ARHGAP5: variants seen among roughly 807,000 people sequenced by gnomAD.
ARHGAP5 encodes rho GTPase-activating protein 5.
ARHGAP5 carries 23 observed loss-of-function variants against 116.6 expected under a neutral mutation model. The ratio of observed to expected loss-of-function variants is 0.20; its 90% CI spans 0.14 to 0.28. The LOEUF (loss-of-function observed/expected upper bound fraction) is 0.28, where lower values mean the gene tolerates loss of function less well. ARHGAP5 is among the 10% of genes least tolerant of loss of function. ARHGAP5 has a pLI of 1.00. For synonymous variants in ARHGAP5, 574 were observed against 602.0 expected, an observed-to-expected ratio of 0.95 and a Z score of 0.68; for missense variants, 1,405 against 1,774.8, an observed-to-expected ratio of 0.79 and a Z score of 3.74.
intron 1 of ARHGAP5, among the ~76,000 whole-genome samples, chr14:32,088,603 A>G (rs1053892582): frequency 2.0e-5 from 3 of 152,036 alleles, no homozygotes; most frequent in African/African-American, 7.2e-5. Flanking sequence ...TGCTAGGTAC[A>G]GATTTTCAGT....
rs1193270611 is a variant in ARHGAP5, at chr14:32,158,691, C to A, written c.*3743C>A. Reference sequence around the variant, plus strand: ...GGTTGATTTTTTTACTGTATTAGAACTCTTGGAAGTTCTTAGCCTTTTCAG... The same window carrying A: ...GGTTGATTTTTTTACTGTATTAGAAATCTTGGAAGTTCTTAGCCTTTTCAG... On this transcript the variant is annotated 3_prime_UTR_variant, in exon 7 of 7. Transcript: ENST00000345122. 1 of 151,874 alleles carries A rather than the reference C, an allele frequency of 6.6e-6. No individual in the cohort carries two copies. The highest frequency in any genetic ancestry group is 1.5e-5 in the Non-Finnish European group (1 of 67,844). 9.4% of individuals were successfully genotyped at this position (151,874 alleles called of 1,614,324 possible). A position where few individuals can be genotyped will look rare whatever the true frequency, so the allele number is the denominator to read the frequency against.
chr14:32,152,492 A>C lies in ARHGAP5; in HGVS notation c.4145A>C (p.Tyr1382Ser). The C allele has an allele frequency of 6.2e-7, 1 of 1,604,728 alleles. No individual in the cohort carries two copies. The change falls in exon 6 of 7, where the codon TAT becomes TCT. Residue 1382 changes from tyrosine to serine, a missense_variant. Around this residue, in one of 6 missense-constraint regions of ARHGAP5, gnomAD observed 176 missense variants for 221.2 expected, o/e 0.80. Coordinates refer to ENST00000345122, the MANE Select transcript of ARHGAP5 (RefSeq NM_001030055.2). ...EIVKKFHPVNYDVFRYVITHL... is the reference protein window; with the variant it reads ...EIVKKFHPVNSDVFRYVITHL... ...GTTAAGAAATTTCATCCTGTAAACT[A>C]TGATGTATTCAGATACGTGATAACA...
chr14:32,095,028 T>C (rs1161039221), intron 2 of ARHGAP5, among the ~76,000 whole-genome samples: 1 of 152,186 alleles, frequency 6.6e-6, no homozygotes, highest in African/African-American at 2.4e-5. Flanking sequence ...TTATTAGATA[T>C]TTTTCACAGT....
chr14:32,087,119 TAACTC>T (rs1329940870), intron 1 of ARHGAP5, among the ~76,000 whole-genome samples: 3 of 152,098 alleles, frequency 2.0e-5, no homozygotes, highest in East Asian at 1.9e-4. Context: ...ATTTTTAAGT[TAACTC>T]AAACAGCCTT....
intron 3 of ARHGAP5, among the ~76,000 whole-genome samples, chr14:32,117,677 C>G (rs987830818): frequency 1.3e-5 from 2 of 152,088 alleles, no homozygotes; most frequent in African/African-American, 4.8e-5. Flanking sequence ...ATGGATTTTT[C>G]TTTTAAAACT....
chr14:32,153,844 G>C (rs1594402144), intron 6 of ARHGAP5, among the ~76,000 whole-genome samples: 2 of 151,306 alleles, frequency 1.3e-5, no homozygotes, highest in South Asian at 4.2e-4. Context: ...CTGGAGGCCA[G>C]GAGTTTGAGA....
At chr14:32,146,483 C>G in intron 4 of ARHGAP5, 143 bp downstream of exon 4, 1 of 627,816 alleles carries the variant, frequency 1.6e-6, no homozygotes, top group Non-Finnish European at 2.8e-6. Flanking sequence ...AGATTAGAAG[C>G]ACTAAGTAAA....
intron 3 of ARHGAP5, among the ~76,000 whole-genome samples, chr14:32,128,695 C>T (rs1880324347): frequency 6.6e-6 from 1 of 152,246 alleles, no homozygotes; most frequent in South Asian, 2.1e-4. Flanking sequence ...ATTAAACCCC[C>T]TTGCATTCCT....
chr14:32,116,238 G>C (rs1347758030), intron 2 of ARHGAP5, among the ~76,000 whole-genome samples: 1 of 150,966 alleles, frequency 6.6e-6, no homozygotes, highest in Non-Finnish European at 1.5e-5. Context: ...AGTGAGCCTA[G>C]ACCCTGCGCC....
In ARHGAP5 at chr14:32,138,452, T is replaced by A. The variant is rs1304225032; in HGVS notation, c.3866-7811T>A. On this transcript the variant is annotated intron_variant, in intron 3 of 6. Coordinates refer to ENST00000345122, the MANE Select transcript of ARHGAP5 (RefSeq NM_001030055.2). ...GTGGGTGCCACTGCACCTGGCTAGT[T>A]TTTATATTTTTAGTAGCGATGGGGT... Among the ~76,000 whole-genome samples the A allele has an allele frequency of 3.3e-5, 5 of 152,178 alleles. No individual in the cohort carries two copies. The East Asian group carries it at 9.7e-4, about 29-fold the overall frequency.
In ARHGAP5 at chr14:32,091,742, A is replaced by G. The variant is rs1486248152; in HGVS notation, c.1073A>G (p.His358Arg). ...TLLPNLEEIE[H>R]LNWSEALKLM... The stretch of plus-strand genomic sequence containing the variant: ...TTGCCAAATCTAGAAGAGATTGAAC[A>G]TTTGAATTGGTCAGAAGCTTTGAAG... The change falls in exon 2 of 7, where the codon CAT becomes CGT. Residue 358 changes from histidine to arginine, a missense_variant. Around this residue, in one of 6 missense-constraint regions of ARHGAP5, gnomAD observed 944 missense variants for 1,095.3 expected, o/e 0.86. Transcript: ENST00000345122. 4 of 1,613,448 alleles carry G rather than the reference A, an allele frequency of 2.5e-6. No individual in the cohort carries two copies. The highest frequency in any genetic ancestry group is 3.4e-6 in the Non-Finnish European group (4 of 1,179,644).
intron 3 of ARHGAP5, among the ~76,000 whole-genome samples, chr14:32,136,899 A>T (rs562853038): frequency 1.3e-4 from 19 of 148,518 alleles, no homozygotes; most frequent in Admixed American, 1.2e-3. Flanking sequence ...CTTTGGAGAA[A>T]TTTTTTTTTT....
intron 3 of ARHGAP5, among the ~76,000 whole-genome samples, chr14:32,137,455 G>A: frequency 6.6e-6 from 1 of 151,776 alleles, no homozygotes; most frequent in South Asian, 2.1e-4. Context: ...GTACCACACT[G>A]TTTTGGTTAC....
At chr14:32,082,740 A>T (rs965730278) in intron 1 of ARHGAP5, among the ~76,000 whole-genome samples, 2 of 152,264 alleles carry the variant, frequency 1.3e-5, no homozygotes, top group East Asian at 1.9e-4. Context: ...GGGTTTCACC[A>T]TGTTGGTCGG....
In ARHGAP5 at chr14:32,154,648, A is replaced by G. The variant is rs780345041; in HGVS notation, c.4209A>G (p.Leu1403=). 2 of 1,611,664 alleles carry G rather than the reference A, an allele frequency of 1.2e-6. No homozygotes were observed. The highest frequency in any genetic ancestry group is 2.2e-5 in the South Asian group (2 of 91,034). ...TTAGTCAGCAACATAAAATCAACCT[A>G]ATGACAGCAGACAACTTATCCATCT... is the stretch of plus-strand genomic sequence containing the variant. ...NRVSQQHKIN[L]MTADNLSICF... The change falls in exon 7 of 7, where the codon CTA becomes CTG. Residue 1403 remains leucine, a synonymous_variant. Transcript: ENST00000345122.
Position 32,154,873 on chromosome 14 carries a change from A to T in ARHGAP5, c.4434A>T (p.Pro1478=). The change falls in exon 7 of 7, where the codon CCA becomes CCT. Residue 1478 remains proline (P), a synonymous_variant. Transcript: ENST00000345122. The part of the protein sequence containing the change: ...NPGQLVEPMV[P]LQLPPPLQPQ... The stretch of plus-strand genomic sequence containing the variant: ...GACAGTTGGTGGAACCAATGGTGCC[A>T]CTTCAGTTGCCGCCACCATTGCAAC... 6.2e-7 allele frequency: 1 copy of T among 1,614,090 alleles called. No individual in the cohort carries two copies. Among genetic ancestry groups the T allele is most frequent in the East Asian group, 2.2e-5 (1 of 44,882 alleles).
chr14:32,111,569 A>G (rs921666963), intron 2 of ARHGAP5, among the ~76,000 whole-genome samples: 1 of 152,210 alleles, frequency 6.6e-6, no homozygotes, highest in Non-Finnish European at 1.5e-5. Flanking sequence ...GACATCTTCT[A>G]TAGATTATTT....
chr14:32,089,421 T>A (rs577010447), intron 1 of ARHGAP5, among the ~76,000 whole-genome samples: 1 of 151,966 alleles, frequency 6.6e-6, no homozygotes, highest in African/African-American at 2.4e-5. Context: ...TCCTATCTTA[T>A]GAAATTTGGA....
At chr14:32,131,827 A>AT (rs1286229125) in intron 3 of ARHGAP5, among the ~76,000 whole-genome samples, 10 of 152,176 alleles carry the variant, frequency 6.6e-5, no homozygotes, top group African/African-American at 2.2e-4. Context: ...GAGTGAGAAC[A>AT]TGCGGTGTTT....
Sources: allele counts gnomAD v4.1 joint callset (sites outside exome capture counted in the v4.1 genomes callset), GRCh38; gene constraint gnomAD v4.1.1; regional missense constraint gnomAD v4.1.1; transcripts MANE v1.5; gene names NCBI Gene and HGNC (gene_info 2026-07-23, HGNC 2026-07-21).